FGF12: variants seen among roughly 807,000 people sequenced by gnomAD.
FGF12 encodes fibroblast growth factor 12.
A neutral mutation model predicts 23.6 loss-of-function variants in FGF12; 14 were observed. The observed-to-expected ratio is 0.59, with a 90% CI of 0.39 to 0.93. The LOEUF (loss-of-function observed/expected upper bound fraction) is 0.93, where lower values mean the gene tolerates loss of function less well. FGF12 is among the 40% of genes least tolerant of loss of function. The pLI is 0.00. For synonymous variants in FGF12, 62 were observed against 77.3 expected (o/e 0.80, Z 1.04); for missense variants, 175 against 217.8 (o/e 0.80, Z 1.24).
chr3:192,626,629 T>C (rs1378740764), intron 2 of FGF12, among the ~76,000 whole-genome samples: 1 of 152,168 alleles, frequency 6.6e-6, no homozygotes, highest in Non-Finnish European at 1.5e-5. Context: ...TTTGTTTATT[T>C]AGAGAATGGG....
At chr3:192,418,535 A>G (rs6796445) in intron 2 of FGF12, among the ~76,000 whole-genome samples, 1 of 152,042 alleles carries the variant, frequency 6.6e-6, no homozygotes, top group East Asian at 1.9e-4. Context: ...GGTAGGGAAT[A>G]GAAGGGACAT....
intron 2 of FGF12, among the ~76,000 whole-genome samples, chr3:192,704,496 C>G (rs181714083): frequency 3.9e-4 from 60 of 152,242 alleles, no homozygotes; most frequent in Admixed American, 8.5e-4. Flanking sequence ...GTAAGCCATC[C>G]TTTAAACAAA....
chr3:192,286,334 G>A (rs1714444489), intron 4 of FGF12, among the ~76,000 whole-genome samples: 1 of 151,996 alleles, frequency 6.6e-6, no homozygotes, highest in Admixed American at 6.6e-5. Flanking sequence ...ATGCATCCAT[G>A]GTAGACTCTG....
At chr3:192,276,493 G>C (rs1713796687) in intron 4 of FGF12, among the ~76,000 whole-genome samples, 1 of 152,084 alleles carries the variant, frequency 6.6e-6, no homozygotes, top group South Asian at 2.1e-4. Context: ...AGATAACCAA[G>C]GTGCCTTATG....
intron 4 of FGF12, among the ~76,000 whole-genome samples, chr3:192,251,303 G>A (rs1402447415): frequency 2.6e-5 from 4 of 152,182 alleles, no homozygotes; most frequent in Admixed American, 2.6e-4. Flanking sequence ...TTCTGATAGA[G>A]AGTAAGTTGT....
chr3:192,218,410 C>T (rs910240938), intron 4 of FGF12, among the ~76,000 whole-genome samples: 6 of 152,108 alleles, frequency 3.9e-5, no homozygotes, highest in South Asian at 2.1e-4. Flanking sequence ...ATGGATCATG[C>T]GGGTGCGTTT....
rs116278578 is a variant in FGF12, at chr3:192,671,908, A to C, written c.13+55273T>G. On this transcript the variant is annotated intron_variant, in intron 2 of 5. Coordinates refer to ENST00000445105, the MANE Select transcript of FGF12 (RefSeq NM_004113.6). ...ATTACAAGTTTAGTTTAAAGGAATA[A>C]ATAATTTTTCATAATTAACTGGATT... Among the ~76,000 whole-genome samples, 704 of 152,350 alleles carry C rather than the reference A, an allele frequency of 4.6e-3. 7 individuals are homozygous for C. Among genetic ancestry groups the C allele is most frequent in the African/African-American group, 0.016 (669 of 41,586 alleles).
intron 4 of FGF12, among the ~76,000 whole-genome samples, chr3:192,268,475 T>G (rs1401530281): frequency 6.6e-6 from 1 of 152,204 alleles, no homozygotes; most frequent in Non-Finnish European, 1.5e-5. Flanking sequence ...ATCTCCAATG[T>G]TGGAGGTGGG....
intron 4 of FGF12, among the ~76,000 whole-genome samples, chr3:192,207,610 T>C (rs1209340298): frequency 6.6e-6 from 1 of 152,202 alleles, no homozygotes; most frequent in Non-Finnish European, 1.5e-5. Context: ...CAGGAAGTGT[T>C]GCTGGAAAAG....
chr3:192,363,248 AAAAAG>A (rs1260115691), intron 2 of FGF12, among the ~76,000 whole-genome samples: 4 of 152,176 alleles, frequency 2.6e-5, no homozygotes, highest in Admixed American at 6.5e-5. Flanking sequence ...TTAAAAAAAA[AAAAAG>A]AAGTCATGTT....
chr3:192,214,618 T>A (rs1412893401), intron 4 of FGF12, among the ~76,000 whole-genome samples: 1 of 152,226 alleles, frequency 6.6e-6, no homozygotes, highest in Admixed American at 6.5e-5. Context: ...TCAGTTGTTA[T>A]GATGAAGCAA....
At chr3:192,576,377 T>C (rs1712884862) in intron 2 of FGF12, among the ~76,000 whole-genome samples, 1 of 152,178 alleles carries the variant, frequency 6.6e-6, no homozygotes, top group South Asian at 2.1e-4. Context: ...ACTTGCCAAA[T>C]ACCACGCAAG....
chr3:192,204,079 T>C (rs1035332565), intron 4 of FGF12, among the ~76,000 whole-genome samples: 3 of 152,166 alleles, frequency 2.0e-5, no homozygotes, highest in African/African-American at 7.2e-5. Flanking sequence ...CAACCAATGA[T>C]AGATGGCAAA....
intron 4 of FGF12, among the ~76,000 whole-genome samples, chr3:192,294,532 A>G (rs1319035945): frequency 6.6e-6 from 1 of 152,188 alleles, no homozygotes. Context: ...CTCCTTAGGC[A>G]AAGAAACAAA....
intron 2 of FGF12, among the ~76,000 whole-genome samples, chr3:192,618,247 TA>T (rs78960252): frequency 0.013 from 1,653 of 125,392 alleles, 3 homozygotes; most frequent in Middle Eastern, 0.016. Flanking sequence ...CATGGGGAAC[TA>T]AAAAAAAAAA....
In FGF12 at chr3:192,170,681, CA is replaced by C. The variant is rs772561779; in HGVS notation, c.229-26del. The C allele has an allele frequency of 7.9e-6, 12 of 1,527,012 alleles. No homozygotes were observed. The South Asian group carries it at 1.3e-4, about 17-fold the overall frequency. The allele number at this position is 1,527,012 out of a possible 1,614,324, so 94.6% of individuals were successfully genotyped here. A position where few individuals can be genotyped will look rare whatever the true frequency, so the allele number is the denominator to read the frequency against. On this transcript the variant is annotated intron_variant, in intron 4 of 5. Transcript: ENST00000445105. ...CCTGTAGGAAAAAAAAAAAAAGACACAAAAAAGAGAAATGATTTAAAGGTGA... is the reference window on the plus strand; with the variant it reads ...CCTGTAGGAAAAAAAAAAAAAGACACAAAAAGAGAAATGATTTAAAGGTGA...
Position 192,476,263 on chromosome 3 carries a change from T to G in FGF12, c.14-115725A>C, listed in dbSNP as rs547882732. 1.2e-4 allele frequency among the ~76,000 whole-genome samples: 18 copies of G among 152,318 alleles called. 1 individual carries two copies. The South Asian group carries it at 3.7e-3, about 32-fold the overall frequency. On this transcript the variant is annotated intron_variant, in intron 2 of 5. Transcript: ENST00000445105. The stretch of plus-strand genomic sequence containing the variant: ...CATTTACCTAAATGATTCTGCCCAG[T>G]GACTACCATTTAGTTCTTACCTATG...
intron 2 of FGF12, among the ~76,000 whole-genome samples, chr3:192,472,075 G>A (rs944216580): frequency 5.9e-5 from 9 of 152,062 alleles, no homozygotes; most frequent in African/African-American, 1.7e-4. Flanking sequence ...GGAGTGCAGC[G>A]GTGTGATCTC....
intron 4 of FGF12, among the ~76,000 whole-genome samples, chr3:192,308,296 T>C (rs9868188): frequency 0.021 from 3,268 of 152,240 alleles, 114 homozygotes; most frequent in African/African-American, 0.074. Flanking sequence ...CACTCAAAAG[T>C]AATAGGTTGT....
Sources: gnomAD v4.1 joint callset for allele counts (sites outside exome capture counted in the v4.1 genomes callset) on GRCh38, gnomAD v4.1.1 for gene constraint, MANE v1.5 for transcripts, NCBI Gene and HGNC (gene_info 2026-07-23, HGNC 2026-07-21) for gene names.